The following CSMD1 variants were observed in gnomAD, a reference collection of about 807,000 sequenced individuals.
The protein encoded by CSMD1 is CUB and Sushi multiple domains 1.
CSMD1 carries 213 observed loss-of-function variants against 417.5 expected under a neutral mutation model. The ratio of observed to expected loss-of-function variants is 0.51; its 90% CI spans 0.46 to 0.57. The LOEUF (loss-of-function observed/expected upper bound fraction) is 0.57. CSMD1 is among the 20% of genes least tolerant of loss of function. The pLI is 0.00. For synonymous variants in CSMD1, 2,862 were observed against 1,736.8 expected (o/e 1.65, Z -16.11); for missense variants, 6,923 against 4,529.7 (o/e 1.53, Z -15.17).
intron 1 of CSMD1, among the ~76,000 whole-genome samples, chr8:4,977,579 G>C (rs1489049968): frequency 6.6e-6 from 1 of 152,120 alleles, no homozygotes; most frequent in Non-Finnish European, 1.5e-5. Flanking sequence ...CCCGCCTTTG[G>C]GTGGATCTCA....
At chr8:3,366,997 C>G (rs752698093) in intron 20 of CSMD1, 35 bp downstream of exon 20, 41 of 1,513,306 alleles carry the variant, frequency 2.7e-5, no homozygotes, top group Non-Finnish European at 3.6e-5. Flanking sequence ...AGTATTGTTG[C>G]CAGAGGAGAG....
At chr8:3,983,220 T>A (rs1814032448) in intron 5 of CSMD1, among the ~76,000 whole-genome samples, 1 of 147,762 alleles carries the variant, frequency 6.8e-6, no homozygotes. Context: ...AAGCTCCACC[T>A]CCCGGGTTCA....
chr8:4,308,210 G>C (rs564791476), intron 3 of CSMD1, among the ~76,000 whole-genome samples: 1 of 152,144 alleles, frequency 6.6e-6, no homozygotes, highest in Non-Finnish European at 1.5e-5. Flanking sequence ...ACTTGAGACT[G>C]TGTGGGATGT....
At chr8:3,575,114 T>A (rs1221177008) in intron 9 of CSMD1, 48 bp from the exon 10 acceptor site, 1 of 1,595,816 alleles carries the variant, frequency 6.3e-7, no homozygotes. Flanking sequence ...TTGTGTCAGT[T>A]TGGTAAAGAC....
At chr8:4,499,437 G>A (rs1004471668) in intron 2 of CSMD1, among the ~76,000 whole-genome samples, 6 of 152,206 alleles carry the variant, frequency 3.9e-5, no homozygotes, top group African/African-American at 9.6e-5. Flanking sequence ...TCTGACAGAC[G>A]AAACTGCTCT....
chr8:4,730,463 A>G (rs1809770229), intron 1 of CSMD1, among the ~76,000 whole-genome samples: 1 of 152,190 alleles, frequency 6.6e-6, no homozygotes. Context: ...GAAAATGGCC[A>G]GGAGCAGTGG....
At chr8:4,231,222 C>G (rs945301346) in intron 3 of CSMD1, among the ~76,000 whole-genome samples, 1 of 152,180 alleles carries the variant, frequency 6.6e-6, no homozygotes, top group Non-Finnish European at 1.5e-5. Flanking sequence ...ATTGTCTTAT[C>G]CCTCTTTGAG....
At chr8:4,000,342 G>C (rs978618202) in intron 4 of CSMD1, among the ~76,000 whole-genome samples, 7 of 152,196 alleles carry the variant, frequency 4.6e-5, no homozygotes, top group African/African-American at 1.2e-4. Context: ...TTCTTGGGAA[G>C]AGCTACTGGG....
At chr8:2,973,321 G>T (rs2670079) in intron 56 of CSMD1, 22 bp from the exon 57 acceptor site, 2 of 1,608,686 alleles carry the variant, frequency 1.2e-6, no homozygotes, top group South Asian at 2.2e-5. Context: ...AAACACATAC[G>T]GCAATCCACA....
At chr8:4,067,835 T>C (rs540092403) in intron 3 of CSMD1, among the ~76,000 whole-genome samples, 28 of 152,212 alleles carry the variant, frequency 1.8e-4, no homozygotes, top group African/African-American at 2.6e-4. Flanking sequence ...TCCCAACACT[T>C]TGGGAGGCCG....
chr8:3,722,746 A>T (rs1205258421), intron 6 of CSMD1, among the ~76,000 whole-genome samples: 2 of 152,200 alleles, frequency 1.3e-5, no homozygotes, highest in African/African-American at 4.8e-5. Flanking sequence ...AGGTTTTCTA[A>T]TATTAGCATT....
intron 3 of CSMD1, among the ~76,000 whole-genome samples, chr8:4,127,241 G>C (rs755924185): frequency 4.0e-5 from 6 of 151,888 alleles, no homozygotes; most frequent in Non-Finnish European, 8.8e-5. Flanking sequence ...CTTACGGAAA[G>C]CTTCTAACAC....
chr8:4,867,890 C>T (rs1802510205), intron 1 of CSMD1, among the ~76,000 whole-genome samples: 1 of 151,978 alleles, frequency 6.6e-6, no homozygotes, highest in South Asian at 2.1e-4. Flanking sequence ...AATATGTTGC[C>T]ACAAGACACG....
intron 1 of CSMD1, among the ~76,000 whole-genome samples, chr8:4,785,450 T>C (rs552763402): frequency 9.9e-4 from 150 of 152,274 alleles, no homozygotes; most frequent in Non-Finnish European, 1.6e-3. Flanking sequence ...CATTAGCTCA[T>C]GCAGCCCTTT....
At chr8:3,689,635 T>C (rs1282170291) in intron 7 of CSMD1, among the ~76,000 whole-genome samples, 4 of 152,204 alleles carry the variant, frequency 2.6e-5, no homozygotes, top group South Asian at 2.1e-4. Context: ...GCTTACTATG[T>C]GGCAGGCCTG....
chr8:4,290,463 C>T (rs867173145), intron 3 of CSMD1, among the ~76,000 whole-genome samples: 1 of 152,098 alleles, frequency 6.6e-6, no homozygotes, highest in Non-Finnish European at 1.5e-5. Context: ...CAATTTTAAA[C>T]AAGGGTCAGG....
At chr8:3,026,003 CCT>C (rs1809844703) in intron 51 of CSMD1, among the ~76,000 whole-genome samples, 1 of 152,120 alleles carries the variant, frequency 6.6e-6, no homozygotes, top group African/African-American at 2.4e-5. Context: ...GTGTCCCACC[CCT>C]GAGTCGAGAC....
rs146882229 is a variant in CSMD1 at position 4,293,300 on chromosome 8, G to A, written c.415+126653C>T. 2.5e-4 allele frequency among the ~76,000 whole-genome samples: 38 copies of A among 152,248 alleles called. 1 individual carries two copies. In the South Asian group the frequency reaches 4.4e-3, roughly 17 times the overall value. On this transcript the variant is annotated intron_variant, in intron 3 of 69. Transcript: ENST00000635120. ...TGAAGCAGCAAATGAAAATTGGCCA[G>A]CACAATGAGAAACTGACGATGCTGA...
intron 49 of CSMD1, 145 bp from the exon 50 acceptor site, chr8:3,052,792 T>C (rs1321523233): frequency 1.7e-6 from 1 of 587,778 alleles, no homozygotes; most frequent in East Asian, 3.9e-5. Context: ...TTTCTTTTTT[T>C]TTTCTGGAGA....
Sources: allele counts gnomAD v4.1 joint callset (sites outside exome capture counted in the v4.1 genomes callset), GRCh38; gene constraint gnomAD v4.1.1; transcripts MANE v1.5; gene names NCBI Gene and HGNC (gene_info 2026-07-23, HGNC 2026-07-21).